GPR158: variants seen among roughly 807,000 people sequenced by gnomAD.
GPR158 encodes G protein-coupled receptor 158.
GPR158 carries 30 observed loss-of-function variants against 78.2 expected under a neutral mutation model. The observed-to-expected ratio is 0.38, with a 90% CI of 0.29 to 0.52. The LOEUF (loss-of-function observed/expected upper bound fraction) is 0.52, where lower values mean the gene tolerates loss of function less well. Among genes scored for constraint, GPR158 ranks in the 20% least tolerant of loss-of-function variants. The pLI, the probability that GPR158 is intolerant of heterozygous loss-of-function variation, is 0.83. For missense variants in GPR158, 1,463 were observed against 1,523.5 expected, an observed-to-expected ratio of 0.96 and a Z score of 0.66; for synonymous variants, 581 against 591.1, an observed-to-expected ratio of 0.98 and a Z score of 0.25.
intron 5 of GPR158, among the ~76,000 whole-genome samples, chr10:25,479,571 C>T (rs1364677139): frequency 2.6e-5 from 4 of 152,004 alleles, no homozygotes; most frequent in Non-Finnish European, 5.9e-5. Flanking sequence ...CCTGTCACCT[C>T]ACCTGGCTAG....
At chr10:25,440,920 C>A (rs1302930722) in intron 4 of GPR158, among the ~76,000 whole-genome samples, 1 of 152,006 alleles carries the variant, frequency 6.6e-6, no homozygotes, top group Non-Finnish European at 1.5e-5. Context: ...CTCTAGGACC[C>A]AAATTTAAAA....
At chr10:25,347,755 T>C (rs1481933126) in intron 2 of GPR158, among the ~76,000 whole-genome samples, 2 of 152,044 alleles carry the variant, frequency 1.3e-5, no homozygotes, top group African/African-American at 4.8e-5. Flanking sequence ...TTTTGAACTT[T>C]TCAGAAGAAT....
intron 2 of GPR158, among the ~76,000 whole-genome samples, chr10:25,337,405 C>T (rs1855224376): frequency 6.6e-6 from 1 of 152,090 alleles, no homozygotes; most frequent in Admixed American, 6.6e-5. Flanking sequence ...GATCATGTAA[C>T]ATGCACCCTT....
chr10:25,473,835 A>C (rs1266048663), intron 5 of GPR158, among the ~76,000 whole-genome samples: 1 of 152,066 alleles, frequency 6.6e-6, no homozygotes, highest in Non-Finnish European at 1.5e-5. Context: ...ACCTTATTTC[A>C]GTTCTCAGAT....
intron 2 of GPR158, among the ~76,000 whole-genome samples, chr10:25,254,346 G>A (rs1853864451): frequency 6.6e-6 from 1 of 152,174 alleles, no homozygotes; most frequent in African/African-American, 2.4e-5. Context: ...TTAAGGGAGA[G>A]TTTATAAAAA....
At chr10:25,377,877 G>T (rs1287969478) in intron 2 of GPR158, among the ~76,000 whole-genome samples, 1 of 152,012 alleles carries the variant, frequency 6.6e-6, no homozygotes, top group Non-Finnish European at 1.5e-5. Flanking sequence ...GTTTTCAATT[G>T]TCTTGGGTAT....
intron 1 of GPR158, among the ~76,000 whole-genome samples, chr10:25,186,963 T>A (rs1009373506): frequency 5.1e-5 from 7 of 136,936 alleles, no homozygotes; most frequent in African/African-American, 2.2e-4. Flanking sequence ...CTAACTCATT[T>A]TTTTTTTTTT....
At chr10:25,375,249 A>T (rs1834061408) in intron 2 of GPR158, among the ~76,000 whole-genome samples, 1 of 151,400 alleles carries the variant, frequency 6.6e-6, no homozygotes, top group African/African-American at 2.4e-5. Flanking sequence ...TTTACCCTTC[A>T]ATTTTAAGAG....
chr10:25,440,926 T>C (rs973681753), intron 4 of GPR158, among the ~76,000 whole-genome samples: 1 of 152,176 alleles, frequency 6.6e-6, no homozygotes, highest in African/African-American at 2.4e-5. Context: ...GACCCAAATT[T>C]AAAATAGATT....
chr10:25,248,493 A>G (rs1173692554), intron 2 of GPR158, among the ~76,000 whole-genome samples: 1 of 149,930 alleles, frequency 6.7e-6, no homozygotes, highest in African/African-American at 2.4e-5. Flanking sequence ...ATTTTTGTAT[A>G]AGGTGTAAGG....
At chr10:25,247,038 G>A (rs917159261) in intron 2 of GPR158, among the ~76,000 whole-genome samples, 5 of 152,252 alleles carry the variant, frequency 3.3e-5, no homozygotes, top group Admixed American at 1.3e-4. Context: ...CCAACTTGGA[G>A]GTTTTGAGGA....
intron 1 of GPR158, among the ~76,000 whole-genome samples, chr10:25,200,800 T>C (rs1852913452): frequency 6.6e-6 from 1 of 152,016 alleles, no homozygotes; most frequent in African/African-American, 2.4e-5. Flanking sequence ...CAGATGGTTG[T>C]AGGTATGTGG....
chr10:25,303,324 A>G (rs1045462905), intron 2 of GPR158, among the ~76,000 whole-genome samples: 3 of 152,314 alleles, frequency 2.0e-5, no homozygotes, highest in Middle Eastern at 3.4e-3. Flanking sequence ...CAGGTTTAGG[A>G]CATTTCCATT....
chr10:25,356,454 C>T (rs1855553747), intron 2 of GPR158, among the ~76,000 whole-genome samples: 1 of 151,840 alleles, frequency 6.6e-6, no homozygotes, highest in Non-Finnish European at 1.5e-5. Flanking sequence ...GCTCTGTGTC[C>T]CCACCCAAAT....
intron 1 of GPR158, among the ~76,000 whole-genome samples, chr10:25,217,733 C>T (rs1424016475): frequency 6.6e-6 from 1 of 152,148 alleles, no homozygotes; most frequent in Non-Finnish European, 1.5e-5. Context: ...GTAGGGAAAT[C>T]GTGTTTGATG....
chr10:25,429,100 A>G (rs960439093), intron 4 of GPR158, among the ~76,000 whole-genome samples: 2 of 152,048 alleles, frequency 1.3e-5, no homozygotes, highest in Non-Finnish European at 2.9e-5. Flanking sequence ...GAAATACTAT[A>G]TCTGTCCAAG....
At chr10:25,208,084 C>G (rs553740906) in intron 1 of GPR158, among the ~76,000 whole-genome samples, 6 of 152,226 alleles carry the variant, frequency 3.9e-5, no homozygotes, top group African/African-American at 1.4e-4. Context: ...ATAATGTTTA[C>G]CACATGGTAT....
At chr10:25,320,124 C>T (rs114419124) in intron 2 of GPR158, among the ~76,000 whole-genome samples, 2,607 of 152,302 alleles carry the variant, frequency 0.017, 57 homozygotes, top group African/African-American at 0.049. Context: ...TACAGCACAT[C>T]TGCCTTTAAG....
chr10:25,369,845 C>A (rs1253431439), intron 2 of GPR158, among the ~76,000 whole-genome samples: 1 of 151,776 alleles, frequency 6.6e-6, no homozygotes, highest in African/African-American at 2.4e-5. Context: ...ACAATTTCAG[C>A]TCCTGTTATT....
Sources: gnomAD v4.1 joint callset for allele counts (sites outside exome capture counted in the v4.1 genomes callset) on GRCh38, gnomAD v4.1.1 for gene constraint, MANE v1.5 for transcripts, NCBI Gene and HGNC (gene_info 2026-07-23, HGNC 2026-07-21) for gene names.